Variants in TNNT2 observed in about 807,000 individuals in gnomAD.
TNNT2 encodes the protein troponin T2, cardiac type, also known as troponin T, cardiac muscle.
TNNT2 carries 34 observed loss-of-function variants against 62.4 expected under a neutral mutation model. That is an observed-to-expected ratio of 0.54 (90% CI 0.41 to 0.72). TNNT2 has a LOEUF of 0.72. Ranked by LOEUF, TNNT2 falls within the 30% of genes least tolerant of loss-of-function variation. TNNT2 has a pLI of 0.00. For missense variants in TNNT2, 275 were observed against 381.9 expected (o/e 0.72, Z 2.33); for synonymous variants, 123 against 127.2 (o/e 0.97, Z 0.22).
chr1:201,366,995 G>A (rs749942992), intron 7 of TNNT2, 124 bp from the exon 8 acceptor site: 3 of 1,512,602 alleles, frequency 2.0e-6, no homozygotes, highest in Admixed American at 1.8e-5. Flanking sequence ...GTCCCTCCCG[G>A]CACTGGGGAG....
At chr1:201,372,105 G>C in intron 3 of TNNT2, 40 bp downstream of exon 3, 1 of 1,614,122 alleles carries the variant, frequency 6.2e-7, no homozygotes, top group Admixed American at 1.7e-5. Flanking sequence ...TTCGAACCAG[G>C]CTGTCTTTGA....
intron 15 of TNNT2, 31 bp from the exon 16 acceptor site, chr1:201,359,694 A>G (rs1439692011): frequency 6.4e-7 from 1 of 1,573,358 alleles, no homozygotes; most frequent in Non-Finnish European, 8.6e-7. Context: ...ACAAAGAGCA[A>G]CGCTGGAGCT....
Position 201,364,386 on chromosome 1 carries a change from G to A in TNNT2, c.412-11C>T, listed in dbSNP as rs1659285377. 2.5e-6 allele frequency: 4 copies of A among 1,611,636 alleles called. No individual in the cohort carries two copies. The highest frequency in any genetic ancestry group is 3.4e-6 in the Non-Finnish European group (4 of 1,179,868). On this transcript the variant is annotated splice_polypyrimidine_tract_variant and intron_variant, in intron 10 of 16. Transcript: ENST00000656932. ...TGCCCGACGTCTCTCCTAAGGAGAAGAGGCAAAGCCCACCCAGGTGTGCAT... is the reference window on the plus strand; with the variant it reads ...TGCCCGACGTCTCTCCTAAGGAGAAAAGGCAAAGCCCACCCAGGTGTGCAT...
intron 15 of TNNT2, 105 bp downstream of exon 15, chr1:201,361,174 G>A: frequency 9.1e-7 from 1 of 1,095,242 alleles, no homozygotes; most frequent in Non-Finnish European, 1.4e-6. Flanking sequence ...GGGCTGTTGG[G>A]GAATAGGGAC....
At chr1:201,372,919 C>G (rs1660861957) in intron 2 of TNNT2, among the ~76,000 whole-genome samples, 1 of 152,104 alleles carries the variant, frequency 6.6e-6, no homozygotes, top group African/African-American at 2.4e-5. Context: ...TTCAGGAGAC[C>G]CAACATCTCA....
intron 12 of TNNT2, among the ~76,000 whole-genome samples, chr1:201,362,817 C>A (rs539053984): frequency 1.3e-5 from 2 of 152,332 alleles, no homozygotes; most frequent in Admixed American, 1.3e-4. Context: ...AACAACCTCA[C>A]ATCTGTGTGG....
At chr1:201,359,510 C>A (rs1658194806) in intron 16 of TNNT2, 113 bp downstream of exon 16, 2 of 1,160,964 alleles carry the variant, frequency 1.7e-6, no homozygotes, top group African/African-American at 1.5e-5. Context: ...TGGGCTGAAG[C>A]AGAGGAGGAA....
At chr1:201,363,563 C>A in intron 11 of TNNT2, 157 bp from the exon 12 acceptor site, 1 of 668,132 alleles carries the variant, frequency 1.5e-6, no homozygotes, top group South Asian at 1.7e-5. Context: ...TGCTGGCCCA[C>A]AGGAGTCCAC....
chr1:201,364,903 C>T (rs913131718), intron 10 of TNNT2, among the ~76,000 whole-genome samples: 1 of 152,116 alleles, frequency 6.6e-6, no homozygotes, highest in African/African-American at 2.4e-5. Context: ...ACCAATCAGT[C>T]CACAGCCCGG....
In TNNT2 at chr1:201,365,314, G is replaced by A; in HGVS notation, c.295-7C>T. The A allele has an allele frequency of 1.9e-6, 3 of 1,611,790 alleles. No individual in the cohort carries two copies. The highest frequency in any genetic ancestry group is 2.5e-6 in the Non-Finnish European group (3 of 1,177,986). On this transcript the variant is annotated splice_region_variant and splice_polypyrimidine_tract_variant and intron_variant, in intron 9 of 16. Transcript: ENST00000656932. ...TGCGCTTCCGGTGGATGTCCTGTGG[G>A]TGGACCGCTGCGGCTCAGAGGCTGC...
chr1:201,369,823 G>A lies in TNNT2; in HGVS notation c.90C>T (p.Asp30=), dbSNP rs727503515. 7.6e-5 allele frequency: 122 copies of A among 1,614,084 alleles called. No homozygotes were observed. The highest frequency in any genetic ancestry group is 4.9e-4 in the Middle Eastern group (3 of 6,084). ...AAGGAAAGGCTGTACTACCGTCTTCGTCCTCTCTCCAGTCCTCCTCTTCTG... is the reference window on the plus strand; with the variant it reads ...AAGGAAAGGCTGTACTACCGTCTTCATCCTCTCTCCAGTCCTCCTCTTCTG... ...AVEEEEDWRE[D]EDEQEEAAEE... The change falls in exon 5 of 17, where the codon GAC becomes GAT. Residue 30 remains aspartate (D), a synonymous_variant. Transcript: ENST00000656932.
chr1:201,368,135 C>A (rs1274945011), intron 6 of TNNT2, 27 bp downstream of exon 6: 1 of 1,612,492 alleles, frequency 6.2e-7, no homozygotes, highest in African/African-American at 1.3e-5. Flanking sequence ...CCCCCTGAGG[C>A]CCCTGCACCC....
chr1:201,373,172 C>A (rs181717966), intron 2 of TNNT2, 42 bp downstream of exon 2: 4 of 1,603,626 alleles, frequency 2.5e-6, no homozygotes, highest in Admixed American at 1.7e-5. Flanking sequence ...AGGGCAGCGG[C>A]GGGAGAGGAC....
rs766030869 is a variant in TNNT2, at chr1:201,359,170, T to G, written c.*40A>C. On this transcript the variant is annotated 3_prime_UTR_variant, in exon 17 of 17. Transcript: ENST00000656932. ...TGGGGGAGTGCAGGCCGGAGGCAGG[T>G]GCGAGCGAGGAGCAGATCTTTGGTG... is the stretch of plus-strand genomic sequence containing the variant. 9 of 1,595,982 alleles carry G rather than the reference T, an allele frequency of 5.6e-6. No individual in the cohort carries two copies. Among genetic ancestry groups the G allele is most frequent in the Non-Finnish European group, 7.7e-6 (9 of 1,172,544 alleles).
In TNNT2 at chr1:201,376,272, A is replaced by T. The variant is rs534623215; in HGVS notation, c.-15+1351T>A. ...AGGCATACTGACCTTGGGGTCAAAAAATCTGGGCTTAAAACCCAGATTTTG... is the reference window on the plus strand; with the variant it reads ...AGGCATACTGACCTTGGGGTCAAAATATCTGGGCTTAAAACCCAGATTTTG... On this transcript the variant is annotated intron_variant, in intron 1 of 16. Transcript: ENST00000656932. 3.3e-5 allele frequency among the ~76,000 whole-genome samples: 5 copies of T among 152,236 alleles called. No homozygotes were observed. In the South Asian group the frequency reaches 8.3e-4, roughly 25 times the overall value.
At chr1:201,363,196 C>T in intron 12 of TNNT2, 100 bp downstream of exon 12, 1 of 1,605,468 alleles carries the variant, frequency 6.2e-7, no homozygotes. Flanking sequence ...CTGGGAATCT[C>T]TTCCTGGGAC....
At chr1:201,366,443 A>C in intron 8 of TNNT2, 1 of 1,120,330 alleles carries the variant, frequency 8.9e-7, no homozygotes, top group Non-Finnish European at 1.1e-6. Flanking sequence ...AGCTCTCTGA[A>C]GCCGCCATGC....
Position 201,363,277 on chromosome 1 carries a change from C to G in TNNT2, c.600+19G>C. ...GCTATACTAGGATCTCCTGGCAACC[C>G]CTGCTGCTCCCTACCTACCTTCTGG... On this transcript the variant is annotated intron_variant, in intron 12 of 16. Coordinates refer to ENST00000656932, the MANE Select transcript of TNNT2 (RefSeq NM_001276345.2). 2 of 1,613,880 alleles carry G rather than the reference C, an allele frequency of 1.2e-6. No homozygotes were observed. Among genetic ancestry groups the G allele is most frequent in the Non-Finnish European group, 1.7e-6 (2 of 1,179,762 alleles).
At chr1:201,369,884 G>A (rs1414959166) in intron 4 of TNNT2, 39 bp from the exon 5 acceptor site, 23 of 1,613,728 alleles carry the variant, frequency 1.4e-5, no homozygotes, top group Middle Eastern at 1.6e-4. Context: ...GGGGAAAAGC[G>A]AGACAGGTTA....
Sources: allele counts gnomAD v4.1 joint callset (sites outside exome capture counted in the v4.1 genomes callset), GRCh38; gene constraint gnomAD v4.1.1; transcripts MANE v1.5; gene names NCBI Gene and HGNC (gene_info 2026-07-23, HGNC 2026-07-21).